Variants in TRPM5 observed in about 807,000 individuals in gnomAD.
TRPM5 encodes MLSN1 and TRP-related.
In TRPM5, 121 loss-of-function variants were observed where a neutral mutation model predicts 124.9. That is an observed-to-expected ratio of 0.97 (90% CI 0.84 to 1.13). The LOEUF (loss-of-function observed/expected upper bound fraction) is 1.13, where lower values mean the gene tolerates loss of function less well. Ranked by LOEUF, TRPM5 falls within the 50% of genes most tolerant of loss-of-function variation. The pLI is 0.00. For missense variants in TRPM5, 1,643 were observed against 1,589.1 expected (o/e 1.03, Z -0.58); for synonymous variants, 781 against 700.5 (o/e 1.11, Z -1.81).
At chr11:2,444,464 C>T in the TRPM5 span, among the ~76,000 whole-genome samples, 1 of 150,862 alleles carries the variant, frequency 6.6e-6, no homozygotes, top group Non-Finnish European at 1.5e-5. Flanking sequence ...GGTCCTCCTC[C>T]GGGCCAGGCA....
In TRPM5 at chr11:2,418,380, G is replaced by A. The variant is rs983441813; in HGVS notation, c.715-22C>T. ...TCCTCTGAGACGGGGAGGGAGGGGA[G>A]AGCGGACCCCAGATTAGCCCGACGA... On this transcript the variant is annotated intron_variant, in intron 5 of 23. Coordinates refer to ENST00000155858, the Ensembl canonical transcript of TRPM5. 10 of 1,539,922 alleles carry A rather than the reference G, an allele frequency of 6.5e-6. 1 individual carries two copies. In the Middle Eastern group the frequency reaches 5.3e-4, roughly 81 times the overall value.
intron 7 of TRPM5, 124 bp from the exon 13 acceptor site, chr11:2,416,148 A>T (rs1442786760): frequency 1.2e-5 from 7 of 594,886 alleles, no homozygotes; most frequent in Non-Finnish European, 2.1e-5. Flanking sequence ...CTGGGACTTG[A>T]GGGGGCACAT....
At chr11:2,405,098 A>G (rs1850287756) in intron 23 of TRPM5, 55 bp from the exon 29 acceptor site, 5 of 1,493,854 alleles carry the variant, frequency 3.3e-6, no homozygotes, top group Middle Eastern at 2.0e-4. Flanking sequence ...CAGGCCCAGG[A>G]AGGGGAGAGG....
At chr11:2,409,476 G>C (rs2133504379) in intron 18 of TRPM5, among the ~76,000 whole-genome samples, 1 of 152,342 alleles carries the variant, frequency 6.6e-6, no homozygotes. Flanking sequence ...GAGACCCAGA[G>C]AACAAGCTCG....
At chr11:2,432,199 C>A in the TRPM5 span, among the ~76,000 whole-genome samples, 1 of 152,248 alleles carries the variant, frequency 6.6e-6, no homozygotes, top group East Asian at 1.9e-4. Context: ...TGCGTCCATG[C>A]GTGCTGTCAT....
chr11:2,440,310 C>T, the TRPM5 span, among the ~76,000 whole-genome samples: 1 of 152,080 alleles, frequency 6.6e-6, no homozygotes, highest in Non-Finnish European at 1.5e-5. The surrounding 1 kb of genome is among the most constrained non-coding windows in gnomAD (Gnocchi z 5.2). Context: ...GCACACATAC[C>T]CTCTGAATCT....
chr11:2,405,968 C>G, intron 22 of TRPM5, 51 bp downstream of exon 27: 1 of 1,533,738 alleles, frequency 6.5e-7, no homozygotes, highest in Non-Finnish European at 9.0e-7. Flanking sequence ...CCAGTAGCCC[C>G]ACGCAGCCAC....
At chr11:2,423,004 G>A in exon 1 of TRPM5, 1 of 1,612,726 alleles carries the variant, frequency 6.2e-7, no homozygotes, top group Non-Finnish European at 8.5e-7. Flanking sequence ...CATCCCCGGG[G>A]CTTCCGGGAC....
chr11:2,418,577 C>T (rs749308848), exon 5 of TRPM5: 17 of 1,611,276 alleles, frequency 1.1e-5, no homozygotes, highest in South Asian at 8.8e-5. Context: ...ACAGGGATCT[C>T]GATGCTGCCA....
chr11:2,415,838 G>C (rs1845663280), intron 8 of TRPM5, 68 bp downstream of exon 13: 5 of 1,185,954 alleles, frequency 4.2e-6, no homozygotes, highest in East Asian at 2.5e-5. Flanking sequence ...CAGGGTGCAG[G>C]AGCAGGCAGC....
exon 4 of TRPM5, chr11:2,420,298 C>A (rs750055651): frequency 4.3e-6 from 7 of 1,612,488 alleles, no homozygotes; most frequent in Admixed American, 1.7e-5. Context: ...CGCCCTTCCC[C>A]GGGGGGCCTG....
chr11:2,411,756 G>C, exon 17 of TRPM5: 1 of 1,612,604 alleles, frequency 6.2e-7, no homozygotes, highest in East Asian at 2.2e-5. Flanking sequence ...CTCAAACGCC[G>C]ACGGCAGCAT....
intron 1 of TRPM5, 148 bp from the exon 7 acceptor site, chr11:2,422,469 G>A: frequency 2.1e-6 from 1 of 466,670 alleles, no homozygotes. Flanking sequence ...CATCAAGGGG[G>A]CTGGACACAG....
intron 18 of TRPM5, 62 bp downstream of exon 23, chr11:2,411,290 G>T: frequency 6.8e-7 from 1 of 1,473,728 alleles, no homozygotes. Flanking sequence ...CTCATGCCCA[G>T]GGCTTGTGCA....
the TRPM5 span, among the ~76,000 whole-genome samples, chr11:2,439,540 G>C: frequency 6.6e-6 from 1 of 152,196 alleles, no homozygotes. Context: ...CTTCTCAAAG[G>C]AAGACATCCA....
At chr11:2,419,415 C>T (rs915972830) in intron 4 of TRPM5, among the ~76,000 whole-genome samples, 13 of 151,142 alleles carry the variant, frequency 8.6e-5, no homozygotes, top group Non-Finnish European at 1.5e-5. Flanking sequence ...CAAGACCAGC[C>T]TGGCCAACAT....
At chr11:2,417,554 C>T (rs991322299) in intron 7 of TRPM5, among the ~76,000 whole-genome samples, 173 bp downstream of exon 12, 10 of 152,236 alleles carry the variant, frequency 6.6e-5, no homozygotes, top group Non-Finnish European at 1.0e-4. Context: ...TGGTAAAAAA[C>T]ACGTCATAAA....
chr11:2,406,879 C>T, intron 20 of TRPM5, 86 bp from the exon 26 acceptor site: 10 of 1,524,948 alleles, frequency 6.6e-6, no homozygotes, highest in Admixed American at 2.0e-5. Context: ...GCGAGGTGGG[C>T]CAGGCAGAAG....
chr11:2,416,188 C>T (rs906116244), intron 7 of TRPM5, among the ~76,000 whole-genome samples, 164 bp from the exon 13 acceptor site: 1 of 152,208 alleles, frequency 6.6e-6, no homozygotes, highest in African/African-American at 2.4e-5. Flanking sequence ...GCAGGAGGCA[C>T]GAGACTTTGT....
Sources: allele counts gnomAD v4.1 joint callset (sites outside exome capture counted in the v4.1 genomes callset), GRCh38; gene constraint gnomAD v4.1.1; non-coding constraint Gnocchi (gnomAD v3.1); transcripts MANE v1.5; gene names NCBI Gene and HGNC (gene_info 2026-07-23, HGNC 2026-07-21).